TMPRSS12: variants seen among roughly 807,000 people sequenced by gnomAD.
TMPRSS12 encodes transmembrane serine protease 12, also known as transmembrane protease serine 12.
A neutral mutation model predicts 26.0 loss-of-function variants in TMPRSS12; 25 were observed. That is an observed-to-expected ratio of 0.96 (90% CI 0.70 to 1.34). The LOEUF is 1.34. Among genes scored for constraint, TMPRSS12 ranks in the 40% most tolerant of loss-of-function variants. The pLI, the probability that TMPRSS12 is intolerant of heterozygous loss-of-function variation, is 0.00. For missense variants in TMPRSS12, 441 were observed against 440.1 expected (o/e 1.00, Z -0.02); for synonymous variants, 150 against 161.7 (o/e 0.93, Z 0.55).
At chr12:50,866,095 G>A (rs1426720590) in intron 3 of TMPRSS12, among the ~76,000 whole-genome samples, 2 of 152,086 alleles carry the variant, frequency 1.3e-5, no homozygotes, top group African/African-American at 2.4e-5. Flanking sequence ...TGTGGAGGCT[G>A]GCATCATGAA....
chr12:50,886,024 T>C (rs1448140711), intron 4 of TMPRSS12: 1 of 152,306 alleles, frequency 6.6e-6, no homozygotes, highest in Non-Finnish European at 1.5e-5. Flanking sequence ...TATCTCATAG[T>C]GGTTTTAATT....
chr12:50,860,270 T>C (rs942692546), intron 3 of TMPRSS12, among the ~76,000 whole-genome samples: 2 of 152,204 alleles, frequency 1.3e-5, no homozygotes, highest in African/African-American at 2.4e-5. Context: ...ATTTTTTTAG[T>C]GTACTTAGGG....
chr12:50,869,537 C>T (rs1486258130), intron 3 of TMPRSS12, among the ~76,000 whole-genome samples: 2 of 152,126 alleles, frequency 1.3e-5, no homozygotes, highest in African/African-American at 2.4e-5. Context: ...AATCCAGGAT[C>T]AGATGGATTC....
chr12:50,867,060 G>A (rs191065289), intron 3 of TMPRSS12, among the ~76,000 whole-genome samples: 4 of 152,240 alleles, frequency 2.6e-5, no homozygotes, highest in East Asian at 1.9e-4. Flanking sequence ...CTGGTAATAC[G>A]ACAAAACAAG....
At chr12:50,872,565 T>C (rs1938057792) in intron 3 of TMPRSS12, among the ~76,000 whole-genome samples, 1 of 135,610 alleles carries the variant, frequency 7.4e-6, no homozygotes, top group Non-Finnish European at 1.6e-5. Flanking sequence ...AAAATATATA[T>C]ATATGCCATA....
Position 50,859,067 on chromosome 12 carries a change from G to C in TMPRSS12, c.652+14G>C, listed in dbSNP as rs751787635. On this transcript the variant is annotated intron_variant, in intron 3 of 4. Coordinates refer to ENST00000398458, the MANE Select transcript of TMPRSS12 (RefSeq NM_182559.3). The stretch of plus-strand genomic sequence containing the variant: ...CAAAAGAAGAAGGTAATTATGGTCT[G>C]AATTTTACTGATACACATTTTCCTG... 1.3e-6 allele frequency: 2 copies of C among 1,547,626 alleles called. No homozygotes were observed. The highest frequency in any genetic ancestry group is 1.7e-6 in the Non-Finnish European group (2 of 1,151,636).
At chr12:50,873,225 A>G (rs1182819178) in intron 3 of TMPRSS12, among the ~76,000 whole-genome samples, 1 of 152,078 alleles carries the variant, frequency 6.6e-6, no homozygotes, top group Non-Finnish European at 1.5e-5. Flanking sequence ...AAGTCTACAA[A>G]TAGGGTGCAG....
chr12:50,878,391 G>A lies in TMPRSS12; in HGVS notation c.653-6855G>A, dbSNP rs569750171. 2.0e-5 allele frequency among the ~76,000 whole-genome samples: 3 copies of A among 151,622 alleles called. No individual in the cohort carries two copies. In the South Asian group the frequency reaches 6.3e-4, roughly 32 times the overall value. On this transcript the variant is annotated intron_variant, in intron 3 of 4. Coordinates refer to ENST00000398458, the MANE Select transcript of TMPRSS12 (RefSeq NM_182559.3). ...AGCCCAGGAATTTAAAGACCAGCCT[G>A]CGCAATACGGTGAGCCCCTATCTCT...
chr12:50,847,057 C>CTTTTT (rs547352999), intron 2 of TMPRSS12, among the ~76,000 whole-genome samples: 20 of 109,898 alleles, frequency 1.8e-4, no homozygotes, highest in Admixed American at 4.2e-4. Context: ...AGTCTAAAAA[C>CTTTTT]TTTTTTTTTT....
chr12:50,875,824 A>G (rs1189295481), intron 3 of TMPRSS12, among the ~76,000 whole-genome samples: 2 of 152,212 alleles, frequency 1.3e-5, no homozygotes, highest in East Asian at 1.9e-4. Flanking sequence ...AAGAAACGCC[A>G]TTCTGGACAT....
At chr12:50,872,794 G>GTA (rs1555206466) in intron 3 of TMPRSS12, among the ~76,000 whole-genome samples, 152 of 12,796 alleles carry the variant, frequency 0.012, 29 homozygotes, top group African/African-American at 0.035. Context: ...TATATATGAC[G>GTA]TATATATGTA....
In TMPRSS12 at chr12:50,867,760, G is replaced by T. The variant is rs1200481831; in HGVS notation, c.652+8707G>T. On this transcript the variant is annotated intron_variant, in intron 3 of 4. Coordinates refer to ENST00000398458, the MANE Select transcript of TMPRSS12 (RefSeq NM_182559.3). ...GTAACCTATAAAGGAAAACCTATCA[G>T]ATTAACAGCAAATTTTTCAGCAGGA... is the stretch of plus-strand genomic sequence containing the variant. Among the ~76,000 whole-genome samples the T allele has an allele frequency of 3.3e-5, 5 of 152,316 alleles. No individual in the cohort carries two copies. In the South Asian group the frequency reaches 1.0e-3, roughly 32 times the overall value.
chr12:50,860,996 G>T (rs191640268), intron 3 of TMPRSS12, among the ~76,000 whole-genome samples: 74 of 152,186 alleles, frequency 4.9e-4, no homozygotes, highest in Non-Finnish European at 9.9e-4. Flanking sequence ...TAGCCGCTTC[G>T]GTCTCCTGAG....
At chr12:50,854,766 A>G (rs1328748458) in intron 2 of TMPRSS12, among the ~76,000 whole-genome samples, 1 of 152,212 alleles carries the variant, frequency 6.6e-6, no homozygotes, top group East Asian at 1.9e-4. Context: ...GGGATGTGAA[A>G]GCTCTCTACA....
chr12:50,869,157 G>C (rs1013710265), intron 3 of TMPRSS12, among the ~76,000 whole-genome samples: 1 of 127,496 alleles, frequency 7.8e-6, no homozygotes, highest in African/African-American at 2.9e-5. Context: ...GATCAGAGCA[G>C]AACTAAATGA....
At chr12:50,873,796 C>G (rs1247486649) in intron 3 of TMPRSS12, among the ~76,000 whole-genome samples, 1 of 152,076 alleles carries the variant, frequency 6.6e-6, no homozygotes, top group Non-Finnish European at 1.5e-5. Context: ...TTGTTAGGCC[C>G]AAAATGTCAG....
At chr12:50,852,482 C>G (rs1937835075) in intron 2 of TMPRSS12, among the ~76,000 whole-genome samples, 1 of 152,212 alleles carries the variant, frequency 6.6e-6, no homozygotes, top group South Asian at 2.1e-4. Context: ...ACAATCTTGA[C>G]TCACTGCAAC....
At chr12:50,882,025 ATATATATATATATATATG>A (rs1938178740) in intron 3 of TMPRSS12, among the ~76,000 whole-genome samples, 1 of 117,682 alleles carries the variant, frequency 8.5e-6, no homozygotes, top group Non-Finnish European at 1.7e-5. Context: ...ATATATATAT[ATATATATATATATATATG>A]TTTATTTAGT....
chr12:50,866,772 G>A (rs551533846), intron 3 of TMPRSS12, among the ~76,000 whole-genome samples: 13 of 152,028 alleles, frequency 8.6e-5, no homozygotes, highest in Non-Finnish European at 1.5e-4. Flanking sequence ...TGGTATTCAC[G>A]GCCGAGAGAC....
Sources: allele counts gnomAD v4.1 joint callset (sites outside exome capture counted in the v4.1 genomes callset), GRCh38; gene constraint gnomAD v4.1.1; transcripts MANE v1.5; gene names NCBI Gene and HGNC (gene_info 2026-07-23, HGNC 2026-07-21).